The following COMMD1 variants were observed in gnomAD, a reference collection of about 807,000 sequenced individuals.
The protein encoded by COMMD1 is copper metabolism domain containing 1, also known as COMM domain-containing protein 1.
A neutral mutation model predicts 17.2 loss-of-function variants in COMMD1; 10 were observed. The ratio of observed to expected loss-of-function variants is 0.58; its 90% CI spans 0.36 to 0.99. The LOEUF is 0.99. Among genes scored for constraint, COMMD1 ranks in the 50% least tolerant of loss-of-function variants. COMMD1 has a pLI of 0.01. For missense variants in COMMD1, 270 were observed against 231.8 expected, an observed-to-expected ratio of 1.17 and a Z score of -1.07; for synonymous variants, 97 against 91.6, an observed-to-expected ratio of 1.06 and a Z score of -0.34.
intron 2 of COMMD1, among the ~76,000 whole-genome samples, chr2:62,116,556 C>T (rs866107888): frequency 2.4e-4 from 37 of 151,700 alleles, no homozygotes; most frequent in South Asian, 2.1e-4. Flanking sequence ...CCTATAGTCC[C>T]AGCTACTTGG....
chr2:61,978,797 T>C (rs1166951457), intron 1 of COMMD1, among the ~76,000 whole-genome samples: 3 of 152,152 alleles, frequency 2.0e-5, no homozygotes, highest in African/African-American at 7.2e-5. Context: ...AAAGGGGAAG[T>C]TGTCAGTTTC....
upstream of COMMD1, chr2:61,888,450 C>G (rs1270751618): frequency 6.2e-7 from 1 of 1,611,272 alleles, no homozygotes; most frequent in South Asian, 1.1e-5. Flanking sequence ...GCGCCTTTCC[C>G]GCGGCCGCCG....
At chr2:61,914,891 T>G (rs1024870651) in intron 1 of COMMD1, among the ~76,000 whole-genome samples, 7 of 151,844 alleles carry the variant, frequency 4.6e-5, no homozygotes, top group Admixed American at 6.6e-5. Flanking sequence ...GGTTTCACCA[T>G]GTTGGTCAGG....
At chr2:62,052,658 T>G (rs1049543531) in intron 2 of COMMD1, among the ~76,000 whole-genome samples, 1 of 152,220 alleles carries the variant, frequency 6.6e-6, no homozygotes, top group Admixed American at 6.5e-5. Context: ...GAGTTTATTT[T>G]TTCACTAATC....
At chr2:61,965,903 G>A (rs1405092279) in intron 1 of COMMD1, among the ~76,000 whole-genome samples, 2 of 152,198 alleles carry the variant, frequency 1.3e-5, no homozygotes, top group African/African-American at 4.8e-5. Context: ...TCAAGGCTTG[G>A]TTTCATTAAT....
intron 1 of COMMD1, among the ~76,000 whole-genome samples, chr2:61,941,193 A>G (rs999114482): frequency 1.3e-5 from 2 of 150,844 alleles, no homozygotes; most frequent in African/African-American, 4.9e-5. Flanking sequence ...ATGTCTGGCT[A>G]ATTTTTGTAT....
chr2:62,020,709 C>T (rs1295497439), intron 2 of COMMD1, among the ~76,000 whole-genome samples: 1 of 152,048 alleles, frequency 6.6e-6, no homozygotes, highest in Non-Finnish European at 1.5e-5. Flanking sequence ...AGAAACTCTC[C>T]TCTTTGATGG....
intron 1 of COMMD1, among the ~76,000 whole-genome samples, chr2:61,981,817 C>G (rs1218045119): frequency 7.2e-5 from 11 of 152,124 alleles, no homozygotes; most frequent in Admixed American, 6.6e-4. Flanking sequence ...GCCACTGGGT[C>G]CCTCCCACAA....
At chr2:62,003,233 AAAAAAAAAAC>A (rs1669008919) in intron 2 of COMMD1, among the ~76,000 whole-genome samples, 1 of 150,652 alleles carries the variant, frequency 6.6e-6, no homozygotes, top group South Asian at 2.1e-4. Context: ...GCTGTCTCAA[AAAAAAAAAAC>A]AAAACAAAAC....
intron 2 of COMMD1, among the ~76,000 whole-genome samples, chr2:62,060,533 G>T (rs1194342286): frequency 6.6e-6 from 1 of 152,056 alleles, no homozygotes; most frequent in Admixed American, 6.5e-5. Flanking sequence ...ATAAAACTTA[G>T]TCTTATATAT....
chr2:62,011,678 T>C (rs981989851), intron 2 of COMMD1, among the ~76,000 whole-genome samples: 1 of 152,162 alleles, frequency 6.6e-6, no homozygotes, highest in Non-Finnish European at 1.5e-5. Context: ...AAGTTTATTA[T>C]CTTATGGAGC....
chr2:62,009,822 C>T (rs995456477), intron 2 of COMMD1, among the ~76,000 whole-genome samples: 1 of 151,778 alleles, frequency 6.6e-6, no homozygotes, highest in Non-Finnish European at 1.5e-5. Context: ...AAGAAAAACC[C>T]CTTTTAAAAG....
In COMMD1 at chr2:61,989,357, G is replaced by A. The variant is rs187500811; in HGVS notation, c.181-11344G>A. Among the ~76,000 whole-genome samples, 293 of 152,210 alleles carry A rather than the reference G, an allele frequency of 1.9e-3. 1 individual carries two copies. Among genetic ancestry groups the A allele is most frequent in the African/African-American group, 6.6e-3 (274 of 41,524 alleles). ...TGGGTTTTGACGTGTATAATGACAT[G>A]CATCTGGCATATAGTATCATGCAGA... On this transcript the variant is annotated intron_variant, in intron 1 of 2. Transcript: ENST00000311832.
chr2:62,085,595 T>G (rs1671640408), intron 2 of COMMD1, among the ~76,000 whole-genome samples: 1 of 151,954 alleles, frequency 6.6e-6, no homozygotes, highest in Non-Finnish European at 1.5e-5. Context: ...GCCAAAACTT[T>G]GGGAGGCCAA....
At chr2:61,972,946 C>T (rs1390184597) in intron 1 of COMMD1, among the ~76,000 whole-genome samples, 1 of 152,136 alleles carries the variant, frequency 6.6e-6, no homozygotes, top group Non-Finnish European at 1.5e-5. Context: ...GTTGGGATTA[C>T]AGGTGTGAGC....
At chr2:62,119,461 A>G (rs1672687560) in intron 2 of COMMD1, among the ~76,000 whole-genome samples, 1 of 152,104 alleles carries the variant, frequency 6.6e-6, no homozygotes, top group Non-Finnish European at 1.5e-5. Flanking sequence ...CAACCCATAC[A>G]ACTCCACCCC....
At chr2:62,129,450 TA>T (rs1672967067) in intron 2 of COMMD1, among the ~76,000 whole-genome samples, 1 of 152,132 alleles carries the variant, frequency 6.6e-6, no homozygotes, top group Non-Finnish European at 1.5e-5. Context: ...AGTGGTTCCT[TA>T]GGAAGGAAGT....
At chr2:61,979,870 G>A (rs1241501783) in intron 1 of COMMD1, among the ~76,000 whole-genome samples, 1 of 130,206 alleles carries the variant, frequency 7.7e-6, no homozygotes, top group Non-Finnish European at 1.6e-5. Context: ...CTAGCATTAG[G>A]TATATCTCCC....
chr2:62,102,812 C>G (rs1207088840), intron 2 of COMMD1, among the ~76,000 whole-genome samples: 1 of 152,160 alleles, frequency 6.6e-6, no homozygotes, highest in African/African-American at 2.4e-5. Flanking sequence ...CCATAACACC[C>G]TGGTTCCACA....
Sources: allele counts gnomAD v4.1 joint callset (sites outside exome capture counted in the v4.1 genomes callset), GRCh38; gene constraint gnomAD v4.1.1; transcripts MANE v1.5; gene names NCBI Gene and HGNC (gene_info 2026-07-23, HGNC 2026-07-21).